GABRB2: variants seen among roughly 807,000 people sequenced by gnomAD.
GABRB2 encodes gamma-aminobutyric acid receptor subunit beta-2.
In GABRB2, 16 loss-of-function variants were observed where a neutral mutation model predicts 54.7. That is an observed-to-expected ratio of 0.29 (90% CI 0.20 to 0.44). The LOEUF is 0.44. Ranked by LOEUF, GABRB2 falls within the 20% of genes least tolerant of loss-of-function variation. The pLI is 1.00. For synonymous variants in GABRB2, 244 were observed against 233.8 expected, an observed-to-expected ratio of 1.04 and a Z score of -0.40; for missense variants, 355 against 644.0, an observed-to-expected ratio of 0.55 and a Z score of 4.86.
At chr5:161,366,835 T>A (rs2113461083) in intron 5 of GABRB2, among the ~76,000 whole-genome samples, 1 of 152,146 alleles carries the variant, frequency 6.6e-6, no homozygotes, top group Non-Finnish European at 1.5e-5. Flanking sequence ...TAATCGCAGC[T>A]ACTCAGGAAG....
intron 3 of GABRB2, among the ~76,000 whole-genome samples, chr5:161,525,289 C>A (rs1042135848): frequency 1.3e-5 from 2 of 151,296 alleles, no homozygotes; most frequent in Non-Finnish European, 3.0e-5. Flanking sequence ...GCATGATCAT[C>A]AAGATCATTG....
At chr5:161,340,027 T>A (rs1754109524) in intron 5 of GABRB2, among the ~76,000 whole-genome samples, 1 of 152,088 alleles carries the variant, frequency 6.6e-6, no homozygotes, top group Non-Finnish European at 1.5e-5. Context: ...GTATTTCTTA[T>A]ATAAGGAACT....
chr5:161,327,310 G>T (rs1268713523), intron 8 of GABRB2, among the ~76,000 whole-genome samples: 1 of 152,158 alleles, frequency 6.6e-6, no homozygotes, highest in Non-Finnish European at 1.5e-5. Context: ...TTTTTCAGGT[G>T]AAATCAACTG....
At chr5:161,429,593 T>C (rs1167003065) in intron 4 of GABRB2, among the ~76,000 whole-genome samples, 1 of 152,004 alleles carries the variant, frequency 6.6e-6, no homozygotes, top group Non-Finnish European at 1.5e-5. Context: ...GGTAAGCAAA[T>C]GTGTTGAGAT....
chr5:161,472,838 C>T (rs183266573), intron 3 of GABRB2, among the ~76,000 whole-genome samples: 67 of 151,982 alleles, frequency 4.4e-4, no homozygotes, highest in African/African-American at 1.3e-3. Flanking sequence ...AGATTCTTTT[C>T]GGCAGAATGG....
intron 3 of GABRB2, among the ~76,000 whole-genome samples, chr5:161,524,659 GA>G (rs1364046487): frequency 1.3e-5 from 2 of 151,110 alleles, no homozygotes; most frequent in Admixed American, 6.6e-5. Context: ...TATTAACACT[GA>G]AAAAAATTCT....
At chr5:161,377,900 A>T (rs1755356441) in intron 5 of GABRB2, among the ~76,000 whole-genome samples, 1 of 152,050 alleles carries the variant, frequency 6.6e-6, no homozygotes, top group African/African-American at 2.4e-5. Flanking sequence ...ATTTGTGTAA[A>T]ATATTTATGT....
At chr5:161,429,755 A>G (rs1561647092) in intron 4 of GABRB2, among the ~76,000 whole-genome samples, 1 of 152,190 alleles carries the variant, frequency 6.6e-6, no homozygotes, top group Non-Finnish European at 1.5e-5. Flanking sequence ...AAGTCTAATC[A>G]AGGAGCCACA....
chr5:161,464,371 T>C (rs183124221), intron 3 of GABRB2, among the ~76,000 whole-genome samples: 13 of 151,934 alleles, frequency 8.6e-5, no homozygotes, highest in African/African-American at 3.1e-4. Flanking sequence ...GGAAAACAAA[T>C]TAAAAAACTC....
intron 4 of GABRB2, among the ~76,000 whole-genome samples, chr5:161,432,105 C>T (rs1757186069): frequency 6.6e-6 from 1 of 152,156 alleles, no homozygotes; most frequent in African/African-American, 2.4e-5. Context: ...ACAATGTGAG[C>T]CTGAATGCCT....
intron 5 of GABRB2, among the ~76,000 whole-genome samples, chr5:161,346,468 A>G (rs1349833787): frequency 6.6e-6 from 1 of 152,148 alleles, no homozygotes; most frequent in East Asian, 1.9e-4. Flanking sequence ...ATAAAGTGTC[A>G]ACTGTTACAC....
In GABRB2 at chr5:161,290,978, G is replaced by A. The variant is rs1378219451; in HGVS notation, c.*3103C>T. 6.6e-6 allele frequency: 1 copy of A among 152,492 alleles called. No individual in the cohort carries two copies. The highest frequency in any genetic ancestry group is 1.5e-5 in the Non-Finnish European group (1 of 67,976). 9.4% of individuals were successfully genotyped at this position (152,492 alleles called of 1,614,324 possible). ...TACTTAGCACTGCTTTTGAAGAAAT[G>A]AGAAGAGAAAAGGTCTAGATGGCAC... On this transcript the variant is annotated 3_prime_UTR_variant, in exon 10 of 10. Transcript: ENST00000393959.
At position 161,414,730 on chromosome 5, in the gene GABRB2, T is replaced by C. The variant is rs1303352822; in HGVS notation, c.459-3673A>G. On this transcript the variant is annotated intron_variant, in intron 4 of 9. Transcript: ENST00000393959. ...CATGCTACCAACCCCAAATAAAAAATATTAATTATTATTATAATAATAAAA... is the reference window on the plus strand; with the variant it reads ...CATGCTACCAACCCCAAATAAAAAACATTAATTATTATTATAATAATAAAA... Among the ~76,000 whole-genome samples the C allele has an allele frequency of 5.9e-5, 9 of 151,310 alleles. No homozygotes were observed. In the East Asian group the frequency reaches 1.5e-3, roughly 26 times the overall value.
intron 3 of GABRB2, among the ~76,000 whole-genome samples, chr5:161,531,412 C>T (rs72815519): frequency 0.012 from 1,779 of 152,176 alleles, 18 homozygotes; most frequent in Admixed American, 0.027. Context: ...TTTGTCAATT[C>T]AGTTAACTTG....
chr5:161,511,550 C>T (rs1266002077), intron 3 of GABRB2, among the ~76,000 whole-genome samples: 1 of 151,898 alleles, frequency 6.6e-6, no homozygotes, highest in Non-Finnish European at 1.5e-5. Flanking sequence ...TTATGTATGT[C>T]TTGTTTTCAT....
Position 161,294,271 on chromosome 5 carries a change from C to T in GABRB2, c.1349G>A (p.Ser450Asn), listed in dbSNP as rs61735410. The part of the protein sequence containing the change: ...QYRKAGLPRH[S>N]FGRNALERHV... ...TCGTTCCAGAGCATTTCGGCCAAAACTATGCCTGGGCAACCCAGCTTTCCG... is the reference window on the plus strand; with the variant it reads ...TCGTTCCAGAGCATTTCGGCCAAAATTATGCCTGGGCAACCCAGCTTTCCG... Residue 450 changes from serine (S) to asparagine (N), a missense_variant, in exon 10 of 10, where the codon AGT becomes AAT. By Grantham distance (46) the Ser-to-Asn change is conservative. Transcript: ENST00000393959. 1,454 of 1,614,032 alleles carry T rather than the reference C, an allele frequency of 9.0e-4. 1 individual carries two copies. The highest frequency in any genetic ancestry group is 1.2e-3 in the Non-Finnish European group (1,359 of 1,180,020).
At chr5:161,411,655 A>T (rs912283695) in intron 4 of GABRB2, among the ~76,000 whole-genome samples, 1 of 152,104 alleles carries the variant, frequency 6.6e-6, no homozygotes, top group South Asian at 2.1e-4. Context: ...ATATACTCCT[A>T]TGGGATGGCA....
chr5:161,534,252 G>A (rs941759086), intron 3 of GABRB2, among the ~76,000 whole-genome samples: 6 of 152,252 alleles, frequency 3.9e-5, no homozygotes, highest in Middle Eastern at 6.8e-3. Flanking sequence ...GTAGAAGCAA[G>A]GGATTCAGTT....
intron 5 of GABRB2, among the ~76,000 whole-genome samples, chr5:161,394,443 T>C (rs1755931829): frequency 6.6e-6 from 1 of 151,764 alleles, no homozygotes; most frequent in African/African-American, 2.4e-5. Flanking sequence ...ACTAACAAAA[T>C]TGACAAATAT....
Sources: gnomAD v4.1 joint callset for allele counts (sites outside exome capture counted in the v4.1 genomes callset) on GRCh38, gnomAD v4.1.1 for gene constraint, MANE v1.5 for transcripts, NCBI Gene and HGNC (gene_info 2026-07-23, HGNC 2026-07-21) for gene names.